Variants in NBAS observed in about 807,000 individuals in gnomAD.
The protein encoded by NBAS is NBAS subunit of NRZ tethering complex.
A neutral mutation model predicts 302.5 loss-of-function variants in NBAS; 219 were observed. The ratio of observed to expected loss-of-function variants is 0.72; its 90% CI spans 0.65 to 0.81. The LOEUF is 0.81. Among genes scored for constraint, NBAS ranks in the 30% least tolerant of loss-of-function variants. NBAS has a pLI of 0.00. For synonymous variants in NBAS, 1,118 were observed against 1,021.6 expected, an observed-to-expected ratio of 1.09 and a Z score of -1.80; for missense variants, 2,932 against 2,841.6, an observed-to-expected ratio of 1.03 and a Z score of -0.72.
the NBAS span, among the ~76,000 whole-genome samples, chr2:14,801,225 GTTTGC>G: frequency 1.3e-5 from 2 of 152,010 alleles, no homozygotes; most frequent in Non-Finnish European, 2.9e-5. Context: ...GTTTGGTTTG[GTTTGC>G]TTTGGTTAGG....
At chr2:15,181,589 A>G (rs1225503262) in intron 50 of NBAS, among the ~76,000 whole-genome samples, 1 of 152,240 alleles carries the variant, frequency 6.6e-6, no homozygotes, top group East Asian at 1.9e-4. Context: ...AGGCCTTCGC[A>G]GTTCAAACCT....
At chr2:14,943,364 A>G in the NBAS span, among the ~76,000 whole-genome samples, 4 of 152,226 alleles carry the variant, frequency 2.6e-5, no homozygotes, top group Non-Finnish European at 4.4e-5. Context: ...GTTACAGCCT[A>G]ACTTTAACCC....
chr2:15,125,827 C>T, the NBAS span, among the ~76,000 whole-genome samples: 1 of 151,930 alleles, frequency 6.6e-6, no homozygotes, highest in Non-Finnish European at 1.5e-5. Flanking sequence ...AGGAACTTAT[C>T]TCCAGATGAG....
At chr2:15,444,653 T>A (rs1232945624) in intron 21 of NBAS, among the ~76,000 whole-genome samples, 10 of 152,046 alleles carry the variant, frequency 6.6e-5, no homozygotes, top group Admixed American at 5.9e-4. Flanking sequence ...AATTGACAAA[T>A]AGGATCTAAT....
chr2:14,824,288 C>T, the NBAS span, among the ~76,000 whole-genome samples: 2 of 151,970 alleles, frequency 1.3e-5, no homozygotes, highest in Non-Finnish European at 2.9e-5. Flanking sequence ...AAGGAGGTTA[C>T]AATTGATTGA....
the NBAS span, among the ~76,000 whole-genome samples, chr2:14,794,468 A>G: frequency 6.6e-6 from 1 of 152,156 alleles, no homozygotes; most frequent in Non-Finnish European, 1.5e-5. Context: ...ACAAGTGATC[A>G]TTTCATTCAT....
At chr2:15,007,805 T>A in the NBAS span, among the ~76,000 whole-genome samples, 8 of 152,202 alleles carry the variant, frequency 5.3e-5, no homozygotes, top group African/African-American at 1.7e-4. Context: ...AGAGCTTGGA[T>A]TTGGTCATCT....
intron 11 of NBAS, among the ~76,000 whole-genome samples, chr2:15,489,871 C>T (rs978617658): frequency 6.6e-6 from 1 of 152,160 alleles, no homozygotes; most frequent in Non-Finnish European, 1.5e-5. Flanking sequence ...CCCATTCAGG[C>T]ATTTGTTAAG....
chr2:15,111,554 T>C, the NBAS span, among the ~76,000 whole-genome samples: 70 of 152,106 alleles, frequency 4.6e-4, no homozygotes, highest in Non-Finnish European at 8.2e-4. Flanking sequence ...CACACTCTAA[T>C]AGCAAGTGAG....
the NBAS span, among the ~76,000 whole-genome samples, chr2:14,873,523 T>C: frequency 1.3e-5 from 2 of 152,146 alleles, no homozygotes; most frequent in South Asian, 2.1e-4. Flanking sequence ...GGCCAGAATA[T>C]GCATGCTTGT....
the NBAS span, among the ~76,000 whole-genome samples, chr2:15,147,098 A>T: frequency 9.9e-3 from 1,506 of 152,264 alleles, 46 homozygotes; most frequent in African/African-American, 0.035. Flanking sequence ...TTGCATGCTT[A>T]AGGAAACCAA....
chr2:15,220,217 C>T (rs1472521701), intron 47 of NBAS, among the ~76,000 whole-genome samples: 5 of 142,450 alleles, frequency 3.5e-5, no homozygotes, highest in African/African-American at 1.3e-4. Flanking sequence ...GGCGGCTGGC[C>T]GGGCAGAGGG....
At chr2:15,042,889 C>T in the NBAS span, among the ~76,000 whole-genome samples, 23 of 152,204 alleles carry the variant, frequency 1.5e-4, no homozygotes, top group African/African-American at 5.3e-4. Context: ...TTTCAGACTT[C>T]GGTCTGATGC....
At chr2:15,420,353 G>A (rs72778616) in intron 23 of NBAS, among the ~76,000 whole-genome samples, 4,194 of 152,318 alleles carry the variant, frequency 0.028, 83 homozygotes, top group Admixed American at 0.064. Context: ...CTTACTGAGT[G>A]CGGTCTCAGC....
At chr2:15,450,337 T>C (rs1678947701) in intron 21 of NBAS, among the ~76,000 whole-genome samples, 2 of 152,178 alleles carry the variant, frequency 1.3e-5, no homozygotes, top group Non-Finnish European at 2.9e-5. Context: ...GGATTAAATA[T>C]ACATTCAGAC....
the NBAS span, among the ~76,000 whole-genome samples, chr2:14,803,838 T>A: frequency 2.6e-5 from 4 of 152,020 alleles, no homozygotes; most frequent in African/African-American, 9.7e-5. Context: ...TTAGTGGTGA[T>A]GGGGTTTCAC....
rs1399422688 is a variant in NBAS at position 15,213,693 on chromosome 2, G to A, written c.6432+5080C>T. Among the ~76,000 whole-genome samples, 12 of 152,306 alleles carry A rather than the reference G, an allele frequency of 7.9e-5. No homozygotes were observed. In the East Asian group the frequency reaches 2.3e-3, roughly 29 times the overall value. On this transcript the variant is annotated intron_variant, in intron 48 of 51. Coordinates refer to ENST00000281513, the MANE Select transcript of NBAS (RefSeq NM_015909.4). ...AGGATGGTAACCACTTTGCAAGACAGTTTTAAAGATTAGCGTGCACATAGT... is the reference window on the plus strand; with the variant it reads ...AGGATGGTAACCACTTTGCAAGACAATTTTAAAGATTAGCGTGCACATAGT...
the NBAS span, among the ~76,000 whole-genome samples, chr2:14,967,369 G>A: frequency 6.6e-6 from 1 of 152,110 alleles, no homozygotes; most frequent in Non-Finnish European, 1.5e-5. Flanking sequence ...TTGTAAGACT[G>A]ATACTACCCG....
At chr2:14,905,276 C>T in the NBAS span, among the ~76,000 whole-genome samples, 1 of 152,240 alleles carries the variant, frequency 6.6e-6, no homozygotes, top group Admixed American at 6.5e-5. Context: ...TTAACCATCA[C>T]TGTGCGCAAC....
Sources: allele counts gnomAD v4.1 joint callset (sites outside exome capture counted in the v4.1 genomes callset), GRCh38; gene constraint gnomAD v4.1.1; transcripts MANE v1.5; gene names NCBI Gene and HGNC (gene_info 2026-07-23, HGNC 2026-07-21).